KIAA1671: variants seen among roughly 807,000 people sequenced by gnomAD.
The protein encoded by KIAA1671 is KIAA1671.
In KIAA1671, 52 loss-of-function variants were observed where a neutral mutation model predicts 131.2. The observed-to-expected ratio is 0.40, with a 90% CI of 0.32 to 0.50. KIAA1671 has a LOEUF of 0.50. KIAA1671 is among the 20% of genes least tolerant of loss of function. The pLI is 0.73. For missense variants in KIAA1671, 2,360 were observed against 2,364.2 expected (o/e 1.00, Z 0.04); for synonymous variants, 1,003 against 961.6 (o/e 1.04, Z -0.80).
In KIAA1671 at chr22:25,028,197, C is replaced by T. The variant is rs1244175681; in HGVS notation, c.198C>T (p.Leu66=). 4.7e-5 allele frequency: 73 copies of T among 1,549,934 alleles called. 1 individual carries two copies. The highest frequency in any genetic ancestry group is 1.8e-4 in the Admixed American group (9 of 50,936). Residue 66 remains leucine (L), a synonymous_variant, in exon 3 of 13, where the codon CTC becomes CTT. Transcript: ENST00000358431. ...CCCGGTTACTCCCTCTGCCAAGGCT[C>T]GCCCCCAAACCCTTCTCGAAGGAGC... The part of the protein sequence containing the change: ...SPARLLPLPR[L]APKPFSKEQD...
At chr22:25,094,372 G>A (rs779680784) in intron 6 of KIAA1671, among the ~76,000 whole-genome samples, 1 of 152,122 alleles carries the variant, frequency 6.6e-6, no homozygotes, top group Non-Finnish European at 1.5e-5. Context: ...ATGGAGACCT[G>A]AAGGGCCCTT....
intron 6 of KIAA1671, among the ~76,000 whole-genome samples, chr22:25,166,198 G>A (rs564099566): frequency 4.6e-5 from 7 of 152,308 alleles, no homozygotes; most frequent in South Asian, 2.1e-4. Flanking sequence ...ACTGAGGATC[G>A]ATGCAGTATG....
rs145811646 is a variant in KIAA1671, at chr22:25,128,431, T to A, written c.4531-42389T>A. Among the ~76,000 whole-genome samples the A allele has an allele frequency of 2.8e-3, 428 of 152,330 alleles. 3 individuals carry two copies. The highest frequency in any genetic ancestry group is 1.0e-2 in the African/African-American group (415 of 41,566). On this transcript the variant is annotated intron_variant, in intron 6 of 12. Transcript: ENST00000358431. The stretch of plus-strand genomic sequence containing the variant: ...ATGAGGGCCCAGCAGAGCTGTGCTA[T>A]CTTGCCAGGAACATGATTTGGAGAG...
intron 1 of KIAA1671, among the ~76,000 whole-genome samples, chr22:24,979,358 A>ATTTTTTT (rs60107890): frequency 8.0e-6 from 1 of 125,326 alleles, no homozygotes; most frequent in African/African-American, 3.1e-5. Flanking sequence ...TTATTTATTT[A>ATTTTTTT]TTTTTTTTTG....
chr22:24,959,169 A>G (rs1921883106), intron 1 of KIAA1671, among the ~76,000 whole-genome samples: 2 of 151,532 alleles, frequency 1.3e-5, no homozygotes, highest in South Asian at 4.2e-4. Flanking sequence ...TCAAATAAAT[A>G]AATACATAAA....
intron 1 of KIAA1671, among the ~76,000 whole-genome samples, chr22:24,970,214 G>A (rs760322240): frequency 6.6e-6 from 1 of 152,180 alleles, no homozygotes; most frequent in Non-Finnish European, 1.5e-5. Context: ...CTTCAGCAGT[G>A]GCTTCTGGAG....
In KIAA1671 at chr22:25,066,697, G is replaced by T. The variant is rs1928493973; in HGVS notation, c.4530+17333G>T. Among the ~76,000 whole-genome samples the T allele has an allele frequency of 2.0e-5, 3 of 152,170 alleles. No homozygotes were observed. In the South Asian group the frequency reaches 6.2e-4, roughly 32 times the overall value. ...ATGGTCGCATTTGCAGGTTCTAGGTGGACATATGTTTTTAGGGGTCTCCAT... is the reference window on the plus strand; with the variant it reads ...ATGGTCGCATTTGCAGGTTCTAGGTTGACATATGTTTTTAGGGGTCTCCAT... On this transcript the variant is annotated intron_variant, in intron 6 of 12. Transcript: ENST00000358431.
At chr22:25,130,532 C>A (rs56330547) in intron 6 of KIAA1671, among the ~76,000 whole-genome samples, 4 of 152,286 alleles carry the variant, frequency 2.6e-5, no homozygotes, top group South Asian at 2.1e-4. Context: ...ATTTGTCATA[C>A]TCTGAAAACT....
intron 6 of KIAA1671, among the ~76,000 whole-genome samples, chr22:25,066,603 C>G (rs1198116651): frequency 6.6e-6 from 1 of 152,160 alleles, no homozygotes; most frequent in Non-Finnish European, 1.5e-5. Context: ...AAACCATAGC[C>G]CTGGAGAATC....
At chr22:25,148,870 G>A (rs1017070605) in intron 6 of KIAA1671, among the ~76,000 whole-genome samples, 9 of 152,186 alleles carry the variant, frequency 5.9e-5, no homozygotes, top group Admixed American at 2.0e-4. Context: ...TTCCAGAAGC[G>A]GAGGGTAGTC....
At chr22:25,049,570 A>T in intron 6 of KIAA1671, 2 of 531,080 alleles carry the variant, frequency 3.8e-6, no homozygotes, top group Non-Finnish European at 6.5e-6. Flanking sequence ...TGCTGGGGAA[A>T]CCTTCTTCCT....
intron 6 of KIAA1671, among the ~76,000 whole-genome samples, chr22:25,087,531 C>A (rs1327012102): frequency 6.6e-6 from 1 of 152,158 alleles, no homozygotes; most frequent in Non-Finnish European, 1.5e-5. Flanking sequence ...TGCAGTGAGA[C>A]GAGATCACGC....
chr22:25,180,864 A>C (rs1934245267), intron 9 of KIAA1671, among the ~76,000 whole-genome samples: 1 of 152,192 alleles, frequency 6.6e-6, no homozygotes, highest in Non-Finnish European at 1.5e-5. Flanking sequence ...AGTTCTATTA[A>C]GCCACCTGGA....
intron 6 of KIAA1671, among the ~76,000 whole-genome samples, chr22:25,093,820 C>CTG (rs55673555): frequency 3.0e-5 from 3 of 100,650 alleles, no homozygotes; most frequent in African/African-American, 1.3e-4. Flanking sequence ...CTGTCTCTCT[C>CTG]TCTTTCTCTC....
At chr22:25,000,025 T>C (rs6004386) in intron 1 of KIAA1671, among the ~76,000 whole-genome samples, 58,508 of 149,614 alleles carry the variant, frequency 0.39, 11,319 homozygotes, top group East Asian at 0.49. Flanking sequence ...GCTGGGTCTA[T>C]AGGTGCCTGC....
At chr22:24,972,485 CATAT>C (rs1186324084) in intron 1 of KIAA1671, among the ~76,000 whole-genome samples, 1 of 151,790 alleles carries the variant, frequency 6.6e-6, no homozygotes, top group Non-Finnish European at 1.5e-5. Flanking sequence ...TCCATCCATC[CATAT>C]ATGCATCCAT....
chr22:25,179,483 A>T, intron 9 of KIAA1671: 1 of 1,612,974 alleles, frequency 6.2e-7, no homozygotes, highest in Non-Finnish European at 8.5e-7. Context: ...ATTCTCCTCC[A>T]GCGCCTTGTG....
At chr22:25,054,686 A>G (rs1927745450) in intron 6 of KIAA1671, 1 of 149,568 alleles carries the variant, frequency 6.7e-6, no homozygotes, top group Admixed American at 6.6e-5. Flanking sequence ...AACATTTACT[A>G]TATGCCAGGC....
rs1450603435 is a variant in KIAA1671, at chr22:25,194,119, G to C, written c.*1718G>C. Reference sequence around the variant, plus strand: ...TTTTTCTGAGACAAGGTCTTACTCTGTTGCTCAAGCTGGAGTGGAGTGGCA... The same window carrying C: ...TTTTTCTGAGACAAGGTCTTACTCTCTTGCTCAAGCTGGAGTGGAGTGGCA... On this transcript the variant is annotated 3_prime_UTR_variant, in exon 13 of 13. Coordinates refer to ENST00000358431, the MANE Select transcript of KIAA1671 (RefSeq NM_001145206.2). 1.3e-5 allele frequency: 2 copies of C among 152,138 alleles called. No individual in the cohort carries two copies. Among genetic ancestry groups the C allele is most frequent in the Non-Finnish European group, 2.9e-5 (2 of 68,046 alleles). 9.4% of individuals were successfully genotyped at this position (152,138 alleles called of 1,614,324 possible).
Sources: allele counts gnomAD v4.1 joint callset (sites outside exome capture counted in the v4.1 genomes callset), GRCh38; gene constraint gnomAD v4.1.1; transcripts MANE v1.5; gene names NCBI Gene and HGNC (gene_info 2026-07-23, HGNC 2026-07-21).